LDLRAD3: variants seen among roughly 807,000 people sequenced by gnomAD.
LDLRAD3 encodes the protein low-density lipoprotein receptor class A domain-containing protein 3.
In LDLRAD3, 20 loss-of-function variants were observed where a neutral mutation model predicts 29.4. The observed-to-expected ratio is 0.68, with a 90% CI of 0.48 to 0.99. The LOEUF is 0.99. Among genes scored for constraint, LDLRAD3 ranks in the 50% least tolerant of loss-of-function variants. The pLI, the probability that LDLRAD3 is intolerant of heterozygous loss-of-function variation, is 0.00. For missense variants in LDLRAD3, 420 were observed against 454.3 expected, an observed-to-expected ratio of 0.92 and a Z score of 0.69; for synonymous variants, 157 against 192.7, an observed-to-expected ratio of 0.81 and a Z score of 1.53.
intron 3 of LDLRAD3, among the ~76,000 whole-genome samples, chr11:36,095,171 C>T (rs1853340933): frequency 6.6e-6 from 1 of 152,176 alleles, no homozygotes; most frequent in South Asian, 2.1e-4. Flanking sequence ...GTGACTGAGA[C>T]CCTGTTTCTT....
chr11:35,968,174 A>G (rs1217960817), intron 1 of LDLRAD3: 3 of 428,296 alleles, frequency 7.0e-6, no homozygotes, highest in South Asian at 1.8e-5. Flanking sequence ...CCTCAAGATC[A>G]TCTCGAATTT....
intron 2 of LDLRAD3, among the ~76,000 whole-genome samples, chr11:36,064,656 G>A (rs1041931055): frequency 5.9e-5 from 9 of 151,868 alleles, no homozygotes; most frequent in East Asian, 1.9e-4. Flanking sequence ...GTTTGAAATC[G>A]TTCTTGTTTT....
chr11:36,098,289 T>C, intron 3 of LDLRAD3, 38 bp from the exon 4 acceptor site: 1 of 1,611,832 alleles, frequency 6.2e-7, no homozygotes, highest in Non-Finnish European at 8.5e-7. Context: ...GGGAACTTGC[T>C]GGCCTCCCTG....
chr11:36,025,336 T>G (rs915772709), intron 1 of LDLRAD3, among the ~76,000 whole-genome samples: 23 of 152,148 alleles, frequency 1.5e-4, no homozygotes, highest in African/African-American at 5.6e-4. Context: ...AATCCCGCTG[T>G]GTGCCTGCAC....
chr11:36,097,266 A>T (rs1853374445), intron 3 of LDLRAD3, among the ~76,000 whole-genome samples: 1 of 152,234 alleles, frequency 6.6e-6, no homozygotes, highest in Admixed American at 6.5e-5. Flanking sequence ...TTAGTGAGTC[A>T]TAAAGAATAA....
At chr11:36,011,157 A>G (rs1851950944) in intron 1 of LDLRAD3, among the ~76,000 whole-genome samples, 2 of 152,120 alleles carry the variant, frequency 1.3e-5, no homozygotes, top group African/African-American at 2.4e-5. Context: ...GGCATTTATG[A>G]CTTCCAACTT....
intron 1 of LDLRAD3, among the ~76,000 whole-genome samples, chr11:35,958,117 C>CT (rs1416624096): frequency 6.6e-6 from 1 of 152,216 alleles, no homozygotes; most frequent in Non-Finnish European, 1.5e-5. Context: ...AAGGATGTCA[C>CT]TGACCTGTGT....
chr11:36,106,673 C>A (rs749531162), intron 4 of LDLRAD3, among the ~76,000 whole-genome samples: 12 of 152,182 alleles, frequency 7.9e-5, no homozygotes, highest in Non-Finnish European at 1.3e-4. Flanking sequence ...GTATATAGTT[C>A]ATCGAGGGAA....
intron 4 of LDLRAD3, among the ~76,000 whole-genome samples, chr11:36,144,248 T>G (rs1337254132): frequency 6.6e-6 from 1 of 151,718 alleles, no homozygotes; most frequent in East Asian, 2.0e-4. Context: ...GTGCCCAGGC[T>G]GGAGTGCAGT....
intron 4 of LDLRAD3, among the ~76,000 whole-genome samples, chr11:36,223,214 T>A (rs543139242): frequency 6.6e-6 from 1 of 152,150 alleles, no homozygotes; most frequent in Non-Finnish European, 1.5e-5. Context: ...ATGTGATCGC[T>A]GCGTCTCGCC....
intron 4 of LDLRAD3, among the ~76,000 whole-genome samples, chr11:36,194,002 G>A (rs995811434): frequency 1.3e-5 from 2 of 152,184 alleles, no homozygotes; most frequent in African/African-American, 2.4e-5. Context: ...ATTGAGAGGT[G>A]AGATAACACA....
intron 4 of LDLRAD3, among the ~76,000 whole-genome samples, chr11:36,152,342 A>T (rs1447199919): frequency 6.6e-6 from 1 of 152,236 alleles, no homozygotes; most frequent in Non-Finnish European, 1.5e-5. Context: ...GGTTTATCTA[A>T]TTCAGCTTTC....
intron 2 of LDLRAD3, among the ~76,000 whole-genome samples, chr11:36,079,990 A>T (rs1853085821): frequency 6.6e-6 from 1 of 152,202 alleles, no homozygotes; most frequent in South Asian, 2.1e-4. Context: ...ACCATGACAG[A>T]AGTTCCAAGG....
intron 4 of LDLRAD3, among the ~76,000 whole-genome samples, chr11:36,165,980 T>TCCTCCCTC (rs1854509919): frequency 2.7e-5 from 2 of 73,970 alleles, no homozygotes; most frequent in Non-Finnish European, 5.0e-5. Context: ...CTCCCTCCCT[T>TCCTCCCTC]CCTTCCTTCC....
At chr11:36,055,788 T>C (rs942824449) in intron 2 of LDLRAD3, among the ~76,000 whole-genome samples, 19 of 152,250 alleles carry the variant, frequency 1.2e-4, no homozygotes, top group African/African-American at 4.3e-4. Context: ...GGTTCTGTTA[T>C]GTTACCTTCA....
intron 1 of LDLRAD3, among the ~76,000 whole-genome samples, chr11:36,031,315 C>T (rs189180128): frequency 6.6e-6 from 1 of 152,152 alleles, no homozygotes; most frequent in Non-Finnish European, 1.5e-5. Context: ...TGCTGTCGGC[C>T]TGAAAAGATT....
chr11:36,123,980 C>T (rs6484816), intron 4 of LDLRAD3, among the ~76,000 whole-genome samples: 116,452 of 152,166 alleles, frequency 0.77, 44,851 homozygotes, highest in East Asian at 0.96. Flanking sequence ...ACCTTCACAA[C>T]TGAAAGCAGA....
chr11:36,191,255 G>A (rs571068645), intron 4 of LDLRAD3, among the ~76,000 whole-genome samples: 3 of 152,106 alleles, frequency 2.0e-5, no homozygotes, highest in Non-Finnish European at 4.4e-5. Flanking sequence ...GATAGGCCAA[G>A]TAGTATGGTG....
intron 2 of LDLRAD3, among the ~76,000 whole-genome samples, chr11:36,072,952 A>T (rs1318587571): frequency 6.6e-6 from 1 of 152,212 alleles, no homozygotes; most frequent in East Asian, 1.9e-4. Flanking sequence ...AAATAAGGAC[A>T]TCTAGTGAAC....
Sources: allele counts gnomAD v4.1 joint callset (sites outside exome capture counted in the v4.1 genomes callset), GRCh38; gene constraint gnomAD v4.1.1; transcripts MANE v1.5; gene names NCBI Gene and HGNC (gene_info 2026-07-23, HGNC 2026-07-21).